Variants in KIAA0319L observed in about 807,000 individuals in gnomAD.
The protein encoded by KIAA0319L is dyslexia-associated protein KIAA0319-like protein.
Under a neutral mutation model 120.1 loss-of-function variants are expected in KIAA0319L, and 55 were observed. The ratio of observed to expected loss-of-function variants is 0.46; its 90% confidence interval spans 0.37 to 0.57. The LOEUF (loss-of-function observed/expected upper bound fraction) is 0.57, where lower values mean the gene tolerates loss of function less well. KIAA0319L is among the 20% of genes least tolerant of loss of function. The pLI is 0.00. For synonymous variants in KIAA0319L, 398 were observed against 471.9 expected (o/e 0.84, Z 2.03); for missense variants, 1,049 against 1,255.3 (o/e 0.84, Z 2.48).
At chr1:35,492,620 C>A (rs1382474908) in intron 3 of KIAA0319L, among the ~76,000 whole-genome samples, 1 of 151,998 alleles carries the variant, frequency 6.6e-6, no homozygotes, top group Non-Finnish European at 1.5e-5. Flanking sequence ...TCATATTATT[C>A]ACCATATTAA....
At chr1:35,462,268 G>A (rs1487373317) in intron 8 of KIAA0319L, among the ~76,000 whole-genome samples, 1 of 152,192 alleles carries the variant, frequency 6.6e-6, no homozygotes, top group Non-Finnish European at 1.5e-5. Context: ...ACCTTGCTAT[G>A]ATTGGAAGGA....
intron 2 of KIAA0319L, among the ~76,000 whole-genome samples, chr1:35,526,751 T>C (rs1393525182): frequency 6.6e-6 from 1 of 152,142 alleles, no homozygotes; most frequent in Non-Finnish European, 1.5e-5. Context: ...GCTTTGGTTA[T>C]TGGAGTCTTT....
chr1:35,526,218 T>C (rs1646121300), intron 2 of KIAA0319L, among the ~76,000 whole-genome samples: 1 of 150,888 alleles, frequency 6.6e-6, no homozygotes, highest in Non-Finnish European at 1.5e-5. Flanking sequence ...TTTATACCAA[T>C]ACCATGCTGT....
At chr1:35,454,229 G>A in intron 11 of KIAA0319L, 133 bp downstream of exon 11, 9 of 835,908 alleles carry the variant, frequency 1.1e-5, no homozygotes, top group Non-Finnish European at 1.5e-5. Flanking sequence ...AGGAACAATA[G>A]AAGTCACCAG....
intron 2 of KIAA0319L, among the ~76,000 whole-genome samples, chr1:35,519,703 C>G (rs1477226245): frequency 2.0e-5 from 3 of 152,222 alleles, no homozygotes; most frequent in Non-Finnish European, 2.9e-5. Context: ...GAACTCTTTT[C>G]AAAGTTCTTT....
chr1:35,466,630 A>G lies in KIAA0319L; in HGVS notation c.1179T>C (p.Tyr393=), dbSNP rs770487123. The change falls in exon 7 of 21, where the codon TAT becomes TAC. Residue 393 remains tyrosine (Y), a synonymous_variant. Transcript: ENST00000325722. ...TACCTGGCTTGACTGTCACGTTCAC[A>G]TAGCCTTCCCCATGGGCATTTTGAC... ...VEGQNAHGEG[Y]VNVTVKPEPR... is the part of the protein sequence containing the mutation. The G allele has an allele frequency of 7.4e-6, 12 of 1,613,422 alleles. No homozygotes were observed. In the Admixed American group the frequency reaches 1.8e-4, roughly 25 times the overall value.
intron 2 of KIAA0319L, among the ~76,000 whole-genome samples, chr1:35,546,130 G>A (rs925542922): frequency 3.9e-5 from 6 of 152,140 alleles, no homozygotes; most frequent in Non-Finnish European, 7.3e-5. Context: ...GAGCACACAG[G>A]TTACAAGTGA....
At chr1:35,481,866 C>T (rs1277137066) in intron 3 of KIAA0319L, among the ~76,000 whole-genome samples, 1 of 145,004 alleles carries the variant, frequency 6.9e-6, no homozygotes, top group Non-Finnish European at 1.5e-5. Flanking sequence ...GCTCTGTCGC[C>T]CAGGCTGGAG....
chr1:35,554,666 A>C, intron 1 of KIAA0319L, 147 bp from the exon 2 acceptor site: 1 of 486,528 alleles, frequency 2.1e-6, no homozygotes, highest in Middle Eastern at 3.9e-4. Flanking sequence ...ATAAATTTTA[A>C]ACCTGGGCTT....
Position 35,523,630 on chromosome 1 carries a change from A to G in KIAA0319L, c.143-16495T>C, listed in dbSNP as rs370746860. On this transcript the variant is annotated intron_variant, in intron 2 of 20. Transcript: ENST00000325722. The stretch of plus-strand genomic sequence containing the variant: ...GTAATGATTACGGGTAGAACGTGGT[A>G]TAAATCTCAAAGAGCAGAAGTTTTT... 2.0e-5 allele frequency among the ~76,000 whole-genome samples: 3 copies of G among 152,328 alleles called. No individual in the cohort carries two copies. The East Asian group carries it at 5.8e-4, about 29-fold the overall frequency.
In KIAA0319L at chr1:35,437,487, C is replaced by T. The variant is rs574959415; in HGVS notation, c.2963-2406G>A. Reference sequence around the variant, plus strand: ...TCCTGCTTCTCTAGCTTTCACTGCTCAGCTTCTAAAAGGATTTTTAAATAT... The same window carrying T: ...TCCTGCTTCTCTAGCTTTCACTGCTTAGCTTCTAAAAGGATTTTTAAATAT... On this transcript the variant is annotated intron_variant, in intron 20 of 20. Transcript: ENST00000325722. The surrounding 1 kb of genome is among the most constrained non-coding windows in gnomAD (Gnocchi z 4.1). Among the ~76,000 whole-genome samples, 2 of 152,308 alleles carry T rather than the reference C, an allele frequency of 1.3e-5. No individual in the cohort carries two copies. Among genetic ancestry groups the T allele is most frequent in the East Asian group, 3.9e-4 (2 of 5,186 alleles).
intron 3 of KIAA0319L, among the ~76,000 whole-genome samples, chr1:35,503,855 T>C (rs1645100759): frequency 6.6e-6 from 1 of 151,970 alleles, no homozygotes; most frequent in Non-Finnish European, 1.5e-5. Context: ...TTCCACTTAA[T>C]GAATACTAAG....
chr1:35,521,698 A>G (rs961984838), intron 2 of KIAA0319L, among the ~76,000 whole-genome samples: 1 of 147,090 alleles, frequency 6.8e-6, no homozygotes, highest in Admixed American at 6.8e-5. Context: ...GTAGGCCGAG[A>G]GCGGTGGCTC....
At chr1:35,484,344 A>G (rs867135088) in intron 3 of KIAA0319L, among the ~76,000 whole-genome samples, 1 of 152,160 alleles carries the variant, frequency 6.6e-6, no homozygotes. Flanking sequence ...GAGAGGCTGA[A>G]GGAGGATTGC....
intron 20 of KIAA0319L, 38 bp downstream of exon 20, chr1:35,441,009 T>C: frequency 6.7e-7 from 1 of 1,498,442 alleles, no homozygotes; most frequent in African/African-American, 1.4e-5. Flanking sequence ...ACAGAGAGAG[T>C]GCACAGACCT....
In KIAA0319L at chr1:35,454,366, T is replaced by C. The variant is rs557623466; in HGVS notation, c.1776A>G (p.Gln592=). 36 of 1,613,906 alleles carry C rather than the reference T, an allele frequency of 2.2e-5. No individual in the cohort carries two copies. The highest frequency in any genetic ancestry group is 2.1e-4 in the African/African-American group (16 of 75,040). The part of the protein sequence containing the change: ...QATAQVTVIV[Q]PENNKPPQAD... ...AACCACAAGGCTGGAGCTTACCAGGTTGCACAATAACAGTCACTTGAGCAG... is the reference window on the plus strand; with the variant it reads ...AACCACAAGGCTGGAGCTTACCAGGCTGCACAATAACAGTCACTTGAGCAG... Residue 592 remains glutamine (Q), a synonymous_variant, in exon 11 of 21, where the codon CAA becomes CAG. Coordinates refer to ENST00000325722, the MANE Select transcript of KIAA0319L (RefSeq NM_024874.5).
chr1:35,481,348 A>C (rs982857026), intron 3 of KIAA0319L, among the ~76,000 whole-genome samples: 1 of 152,198 alleles, frequency 6.6e-6, no homozygotes, highest in African/African-American at 2.4e-5. Context: ...TAACTTTGTA[A>C]GAAACTATGA....
intron 2 of KIAA0319L, among the ~76,000 whole-genome samples, chr1:35,548,996 G>A (rs1012580822): frequency 6.6e-6 from 1 of 151,550 alleles, no homozygotes; most frequent in African/African-American, 2.4e-5. Context: ...CACCCTCTTT[G>A]CCTCCAAGCT....
intron 2 of KIAA0319L, among the ~76,000 whole-genome samples, chr1:35,553,225 C>CT (rs917678625): frequency 6.6e-6 from 1 of 151,810 alleles, no homozygotes; most frequent in African/African-American, 2.4e-5. Context: ...GACCCCATCT[C>CT]TTTTTTTTAA....
Sources: gnomAD v4.1 joint callset for allele counts (sites outside exome capture counted in the v4.1 genomes callset) on GRCh38, gnomAD v4.1.1 for gene constraint, Gnocchi (gnomAD v3.1) non-coding constraint, MANE v1.5 for transcripts, NCBI Gene and HGNC (gene_info 2026-07-23, HGNC 2026-07-21) for gene names.